Variants in EDIL3 observed in about 807,000 individuals in gnomAD.
EDIL3 encodes the protein EGF like and discoidin domains 3.
In EDIL3, 37 loss-of-function variants were observed where a neutral mutation model predicts 67.4. The observed-to-expected ratio is 0.55, with a 90% CI of 0.42 to 0.72. EDIL3 has a LOEUF of 0.72. EDIL3 is among the 30% of genes least tolerant of loss of function. The pLI is 0.00. For missense variants in EDIL3, 527 were observed against 586.3 expected, an observed-to-expected ratio of 0.90 and a Z score of 1.04; for synonymous variants, 195 against 196.3, an observed-to-expected ratio of 0.99 and a Z score of 0.05.
chr5:84,348,480 C>A (rs1023673712), intron 1 of EDIL3, among the ~76,000 whole-genome samples: 2 of 151,932 alleles, frequency 1.3e-5, no homozygotes, highest in Non-Finnish European at 2.9e-5. Context: ...ATTAAAAAAT[C>A]TAACTTACTA....
chr5:84,336,437 A>C (rs1746987562), intron 1 of EDIL3, among the ~76,000 whole-genome samples: 1 of 152,160 alleles, frequency 6.6e-6, no homozygotes, highest in Admixed American at 6.6e-5. Flanking sequence ...AATTATTGAG[A>C]CAGTATGGAG....
At chr5:84,041,052 G>A (rs1173073696) in intron 9 of EDIL3, among the ~76,000 whole-genome samples, 2 of 151,884 alleles carry the variant, frequency 1.3e-5, no homozygotes, top group African/African-American at 2.4e-5. Flanking sequence ...GATCGCTTGA[G>A]TCCGGGAAGT....
intron 4 of EDIL3, among the ~76,000 whole-genome samples, chr5:84,172,719 C>G (rs1748834057): frequency 6.6e-6 from 1 of 152,068 alleles, no homozygotes; most frequent in Admixed American, 6.6e-5. Context: ...TACTGTACAC[C>G]AGGTATTTGG....
At chr5:83,957,131 TG>T (rs1260466491) in intron 10 of EDIL3, among the ~76,000 whole-genome samples, 1 of 151,702 alleles carries the variant, frequency 6.6e-6, no homozygotes, top group Non-Finnish European at 1.5e-5. Flanking sequence ...CTTCCTTCTC[TG>T]CCTTATTTGA....
chr5:84,043,735 T>G (rs2112216714), intron 9 of EDIL3, among the ~76,000 whole-genome samples: 1 of 152,218 alleles, frequency 6.6e-6, no homozygotes, highest in Non-Finnish European at 1.5e-5. Flanking sequence ...ATGTACACAT[T>G]ATACATGTGT....
intron 1 of EDIL3, among the ~76,000 whole-genome samples, chr5:84,358,918 G>T (rs1411798336): frequency 6.6e-6 from 1 of 151,942 alleles, no homozygotes; most frequent in African/African-American, 2.4e-5. Flanking sequence ...CTATCCTATG[G>T]TTTTAAAAGC....
intron 3 of EDIL3, among the ~76,000 whole-genome samples, chr5:84,187,320 A>C (rs1399070854): frequency 6.6e-6 from 1 of 152,050 alleles, no homozygotes. Context: ...GTAGAGTTAG[A>C]GTTATTTCCA....
At chr5:84,111,011 G>A (rs1415240466) in intron 5 of EDIL3, among the ~76,000 whole-genome samples, 1 of 152,128 alleles carries the variant, frequency 6.6e-6, no homozygotes, top group Non-Finnish European at 1.5e-5. Context: ...ACTGGATCAT[G>A]GGGACGGGCT....
chr5:84,024,079 T>C (rs545663371), intron 9 of EDIL3, among the ~76,000 whole-genome samples: 2 of 152,322 alleles, frequency 1.3e-5, no homozygotes, highest in Non-Finnish European at 2.9e-5. Flanking sequence ...AGATTAGCTT[T>C]GGTATTTATA....
At chr5:84,148,104 T>C (rs1356556838) in intron 4 of EDIL3, among the ~76,000 whole-genome samples, 1 of 152,164 alleles carries the variant, frequency 6.6e-6, no homozygotes, top group African/African-American at 2.4e-5. Flanking sequence ...AGGTAAATTA[T>C]GAGAAAAATA....
At chr5:83,998,132 G>A (rs948796995) in intron 9 of EDIL3, among the ~76,000 whole-genome samples, 1 of 152,154 alleles carries the variant, frequency 6.6e-6, no homozygotes, top group Admixed American at 6.5e-5. Flanking sequence ...GGGCACACAC[G>A]GCCCAGTGAG....
chr5:83,981,616 T>C (rs1043718755), intron 9 of EDIL3, among the ~76,000 whole-genome samples: 5 of 152,050 alleles, frequency 3.3e-5, no homozygotes, highest in African/African-American at 1.2e-4. Context: ...TCAAAAACAC[T>C]AAATCCGTGA....
chr5:84,276,685 C>T (rs997272660), intron 1 of EDIL3, among the ~76,000 whole-genome samples: 2 of 152,066 alleles, frequency 1.3e-5, no homozygotes, highest in African/African-American at 4.8e-5. Flanking sequence ...TCTCCTGCCT[C>T]AGACTCTGGA....
At chr5:83,969,433 T>A (rs148094829) in intron 9 of EDIL3, among the ~76,000 whole-genome samples, 2 of 151,920 alleles carry the variant, frequency 1.3e-5, no homozygotes, top group East Asian at 3.9e-4. Flanking sequence ...AACATACAAA[T>A]AATAGTAATT....
chr5:84,117,300 G>T (rs1747688808), intron 5 of EDIL3, among the ~76,000 whole-genome samples: 1 of 151,928 alleles, frequency 6.6e-6, no homozygotes, highest in Non-Finnish European at 1.5e-5. Flanking sequence ...AAAGTGCTGG[G>T]ATTACAAGCG....
At chr5:84,208,114 T>C (rs890178737) in intron 3 of EDIL3, among the ~76,000 whole-genome samples, 2 of 151,900 alleles carry the variant, frequency 1.3e-5, no homozygotes, top group Admixed American at 1.3e-4. Flanking sequence ...ACAGGCAACC[T>C]ACAAAATGGG....
intron 6 of EDIL3, 22 bp from the exon 7 acceptor site, chr5:84,066,628 A>G (rs1328029128): frequency 6.2e-7 from 1 of 1,604,520 alleles, no homozygotes; most frequent in Non-Finnish European, 8.5e-7. Context: ...AGCACAACCA[A>G]CAATAATCTT....
chr5:84,296,505 AT>A (rs1003577302), intron 1 of EDIL3, among the ~76,000 whole-genome samples: 1 of 152,132 alleles, frequency 6.6e-6, no homozygotes, highest in African/African-American at 2.4e-5. Flanking sequence ...TTTATTACTC[AT>A]TTTGAGAAAA....
intron 1 of EDIL3, among the ~76,000 whole-genome samples, chr5:84,293,390 T>C (rs1168094121): frequency 6.6e-6 from 1 of 152,184 alleles, no homozygotes; most frequent in East Asian, 1.9e-4. Context: ...TGAAAGACAC[T>C]GGGGGCACAG....
Sources: allele counts gnomAD v4.1 joint callset (sites outside exome capture counted in the v4.1 genomes callset), GRCh38; gene constraint gnomAD v4.1.1; transcripts MANE v1.5; gene names NCBI Gene and HGNC (gene_info 2026-07-23, HGNC 2026-07-21).